The following AGBL1 variants were observed in gnomAD, a reference collection of about 807,000 sequenced individuals.
The protein encoded by AGBL1 is AGBL carboxypeptidase 1, also known as cytosolic carboxypeptidase 4.
In AGBL1, 130 loss-of-function variants were observed where a neutral mutation model predicts 118.9. That is an observed-to-expected ratio of 1.09 (90% CI 0.95 to 1.26). The LOEUF (loss-of-function observed/expected upper bound fraction) is 1.26. Ranked by LOEUF, AGBL1 falls within the 50% of genes most tolerant of loss-of-function variation. AGBL1 has a pLI of 0.00. For synonymous variants in AGBL1, 555 were observed against 478.9 expected (o/e 1.16, Z -2.08); for missense variants, 1,584 against 1,298.1 (o/e 1.22, Z -3.38).
At chr15:86,806,193 T>C (rs2078711667) in intron 22 of AGBL1, among the ~76,000 whole-genome samples, 1 of 152,104 alleles carries the variant, frequency 6.6e-6, no homozygotes, top group Admixed American at 6.6e-5. Context: ...GCATTTGGGA[T>C]TCTATGATTC....
At chr15:87,010,537 C>A (rs1184064889) in intron 24 of AGBL1, among the ~76,000 whole-genome samples, 1 of 152,214 alleles carries the variant, frequency 6.6e-6, no homozygotes, top group Non-Finnish European at 1.5e-5. Flanking sequence ...TCTGCTGGAG[C>A]TGGGACACTC....
At chr15:86,439,510 A>G (rs2082036820) in intron 18 of AGBL1, among the ~76,000 whole-genome samples, 1 of 152,180 alleles carries the variant, frequency 6.6e-6, no homozygotes, top group Admixed American at 6.5e-5. Flanking sequence ...TTTATTCTCC[A>G]AGGCTTAGTA....
intron 18 of AGBL1, among the ~76,000 whole-genome samples, chr15:86,405,640 A>G (rs16976806): frequency 0.011 from 1,650 of 152,336 alleles, 35 homozygotes; most frequent in African/African-American, 0.038. Context: ...TGGCTAATAC[A>G]TTTTAAGAGA....
Position 86,191,348 on chromosome 15 carries a change from C to CAAAAAAAAAAA in AGBL1, c.488+32334_488+32344dup, listed in dbSNP as rs869108108. Reference sequence around the variant, plus strand: ...GGGCGACAGGAGCAAAACTTTGTCTCAAAAAAAAAAAAAAAAAAAAAAGAG... The same window carrying CAAAAAAAAAAA: ...GGGCGACAGGAGCAAAACTTTGTCTCAAAAAAAAAAAAAAAAAAAAAAAAAAAAAAAAAGAG... On this transcript the variant is annotated intron_variant, in intron 5 of 22. Coordinates refer to ENST00000614907, the MANE Select transcript of AGBL1 (RefSeq NM_001386094.1). 3.5e-4 allele frequency among the ~76,000 whole-genome samples: 23 copies of CAAAAAAAAAAA among 65,106 alleles called. 1 individual carries two copies. Among genetic ancestry groups the CAAAAAAAAAAA allele is most frequent in the African/African-American group, 1.8e-3 (21 of 11,998 alleles). The allele number at this position is 65,106 out of a possible 152,430, so 42.7% of individuals were successfully genotyped here.
intron 20 of AGBL1, among the ~76,000 whole-genome samples, chr15:86,546,423 C>T (rs2083583558): frequency 6.6e-6 from 1 of 152,054 alleles, no homozygotes; most frequent in Admixed American, 6.6e-5. Context: ...ATCTTAATAC[C>T]TGGCTTTACA....
chr15:87,003,810 G>T (rs1350132031), intron 24 of AGBL1, among the ~76,000 whole-genome samples: 1 of 152,138 alleles, frequency 6.6e-6, no homozygotes, highest in Non-Finnish European at 1.5e-5. Context: ...ATTTCTGTGG[G>T]ATCGGTGGTG....
rs147332793 is a variant in AGBL1, at chr15:86,245,662, C to T, written c.527-2009C>T. On this transcript the variant is annotated intron_variant, in intron 6 of 22. Transcript: ENST00000614907. ...AGTCCGTAAAATACGGTTTTATGGG[C>T]GGTCCCAAACAGGAATATTGAACTA... Among the ~76,000 whole-genome samples the T allele has an allele frequency of 3.3e-5, 5 of 152,216 alleles. No individual in the cohort carries two copies. The East Asian group carries it at 9.7e-4, about 29-fold the overall frequency.
At chr15:86,569,636 A>G (rs1195987477) in intron 21 of AGBL1, among the ~76,000 whole-genome samples, 1 of 152,184 alleles carries the variant, frequency 6.6e-6, no homozygotes, top group African/African-American at 2.4e-5. Context: ...TATGTAGTAA[A>G]ATATTGTCCT....
At chr15:86,591,763 A>G (rs1397426312) in intron 21 of AGBL1, among the ~76,000 whole-genome samples, 1 of 152,074 alleles carries the variant, frequency 6.6e-6, no homozygotes, top group Non-Finnish European at 1.5e-5. Context: ...ACAATTGATT[A>G]AACCATTAGT....
chr15:86,522,007 T>C (rs1420462868), intron 18 of AGBL1, among the ~76,000 whole-genome samples: 1 of 152,086 alleles, frequency 6.6e-6, no homozygotes, highest in East Asian at 1.9e-4. Context: ...TCTCTGGTGG[T>C]TGTGGGTTTT....
At chr15:86,883,428 G>A (rs9788631) in intron 22 of AGBL1, among the ~76,000 whole-genome samples, 21,053 of 152,170 alleles carry the variant, frequency 0.14, 1,793 homozygotes, top group Non-Finnish European at 0.18. Context: ...AGGATTTTGT[G>A]TGTGTGAGTC....
chr15:86,901,147 C>A (rs1178050588), intron 22 of AGBL1, among the ~76,000 whole-genome samples: 1 of 152,096 alleles, frequency 6.6e-6, no homozygotes, highest in Non-Finnish European at 1.5e-5. Flanking sequence ...TGGTTTTCCA[C>A]ATTGCAAGAC....
chr15:86,619,229 T>C (rs1468716719), intron 21 of AGBL1, among the ~76,000 whole-genome samples: 1 of 152,194 alleles, frequency 6.6e-6, no homozygotes, highest in Admixed American at 6.5e-5. Flanking sequence ...ATATATCTTT[T>C]TTAATAGACG....
chr15:86,304,461 T>C (rs1177778218), intron 17 of AGBL1, among the ~76,000 whole-genome samples: 1 of 152,248 alleles, frequency 6.6e-6, no homozygotes, highest in Non-Finnish European at 1.5e-5. Flanking sequence ...CTTGCTACTT[T>C]TTTTCTTCAT....
intron 17 of AGBL1, among the ~76,000 whole-genome samples, chr15:86,391,625 A>G (rs1369432228): frequency 3.0e-5 from 4 of 131,500 alleles, no homozygotes; most frequent in African/African-American, 8.7e-5. Context: ...ATACCTTTGT[A>G]TAATGTTGTT....
intron 21 of AGBL1, among the ~76,000 whole-genome samples, chr15:86,565,115 C>G (rs889571826): frequency 1.3e-5 from 2 of 152,228 alleles, no homozygotes; most frequent in African/African-American, 4.8e-5. Context: ...TCGTCTGAAG[C>G]CTTCTTCTCT....
At position 86,199,796 on chromosome 15, in the gene AGBL1, T is replaced by G. The variant is rs539343043; in HGVS notation, c.489-25118T>G. ...TTTGCGTAGTGTTTATAAGGAAAAT[T>G]ATTTCTCATAATTTATATTACTTGA... On this transcript the variant is annotated intron_variant, in intron 5 of 22. Coordinates refer to ENST00000614907, the MANE Select transcript of AGBL1 (RefSeq NM_001386094.1). Among the ~76,000 whole-genome samples the G allele has an allele frequency of 2.0e-5, 3 of 152,346 alleles. No individual in the cohort carries two copies. The East Asian group carries it at 5.8e-4, about 29-fold the overall frequency.
intron 5 of AGBL1, among the ~76,000 whole-genome samples, chr15:86,192,697 C>T (rs558186754): frequency 6.6e-6 from 1 of 152,112 alleles, no homozygotes; most frequent in East Asian, 1.9e-4. Context: ...AAAATTGAAC[C>T]ATAGTGCCTG....
intron 18 of AGBL1, among the ~76,000 whole-genome samples, chr15:86,462,887 G>C (rs2082351842): frequency 1.3e-5 from 2 of 152,138 alleles, no homozygotes; most frequent in African/African-American, 4.8e-5. Context: ...ATTGTGAATA[G>C]TGCTGCAATA....
Sources: gnomAD v4.1 joint callset for allele counts (sites outside exome capture counted in the v4.1 genomes callset) on GRCh38, gnomAD v4.1.1 for gene constraint, MANE v1.5 for transcripts, NCBI Gene and HGNC (gene_info 2026-07-23, HGNC 2026-07-21) for gene names.